CAPN7: variants seen among roughly 807,000 people sequenced by gnomAD.
The protein encoded by CAPN7 is calpain-7.
CAPN7 carries 72 observed loss-of-function variants against 115.2 expected under a neutral mutation model. The observed-to-expected ratio is 0.63, with a 90% CI of 0.52 to 0.76. The LOEUF is 0.76. Ranked by LOEUF, CAPN7 falls within the 30% of genes least tolerant of loss-of-function variation. CAPN7 has a pLI of 0.00. For synonymous variants in CAPN7, 344 were observed against 322.3 expected (o/e 1.07, Z -0.72); for missense variants, 905 against 971.5 (o/e 0.93, Z 0.91).
intron 12 of CAPN7, 47 bp from the exon 13 acceptor site, chr3:15,240,426 A>G (rs1559407431): frequency 6.4e-7 from 1 of 1,560,640 alleles, no homozygotes; most frequent in Non-Finnish European, 8.7e-7. Context: ...AATATGGTAA[A>G]AACTGTTTTA....
At chr3:15,250,263 G>C (rs1399198831) in intron 19 of CAPN7, among the ~76,000 whole-genome samples, 1 of 151,892 alleles carries the variant, frequency 6.6e-6, no homozygotes, top group East Asian at 2.0e-4. Flanking sequence ...CATAGTCCCA[G>C]GTCCTGAGGA....
chr3:15,227,991 A>G lies in CAPN7; in HGVS notation c.852+26A>G, dbSNP rs371586368. 7.2e-6 allele frequency: 10 copies of G among 1,392,630 alleles called. No individual in the cohort carries two copies. In the Admixed American group the frequency reaches 8.4e-5, roughly 12 times the overall value. 86.3% of individuals were successfully genotyped at this position (1,392,630 alleles called of 1,614,324 possible). A position where few individuals can be genotyped will look rare whatever the true frequency, so the allele number is the denominator to read the frequency against. Reference sequence around the variant, plus strand: ...GTGAGCATTTATTTTGTATGATTTTATAGAAAAGTCAGCATTTTAAAGTAA... The same window carrying G: ...GTGAGCATTTATTTTGTATGATTTTGTAGAAAAGTCAGCATTTTAAAGTAA... On this transcript the variant is annotated intron_variant, in intron 7 of 20. Transcript: ENST00000253693.
chr3:15,207,636 T>C (rs1162363729), intron 1 of CAPN7, among the ~76,000 whole-genome samples: 1 of 150,000 alleles, frequency 6.7e-6, no homozygotes, highest in Admixed American at 6.6e-5. Context: ...TAAGTTTTTT[T>C]GTTTCTTTTT....
chr3:15,207,083 A>G (rs1575143022), intron 1 of CAPN7, among the ~76,000 whole-genome samples: 1 of 152,276 alleles, frequency 6.6e-6, no homozygotes, highest in Non-Finnish European at 1.5e-5. Context: ...TTCTTAGGCC[A>G]TTTTGTTGTT....
chr3:15,240,442 T>G lies in CAPN7; in HGVS notation c.1408-31T>G, dbSNP rs938370539. The G allele has an allele frequency of 2.5e-6, 4 of 1,596,660 alleles. No individual in the cohort carries two copies. The African/African-American group carries it at 5.4e-5, about 22-fold the overall frequency. On this transcript the variant is annotated intron_variant, in intron 12 of 20. Coordinates refer to ENST00000253693, the MANE Select transcript of CAPN7 (RefSeq NM_014296.3). ...ATATGGTAAAAACTGTTTTACAACT[T>G]AATGTTATCTCCTGTTTCTTTTTTA... is the stretch of plus-strand genomic sequence containing the variant.
chr3:15,224,298 G>T (rs1364374608), intron 6 of CAPN7, among the ~76,000 whole-genome samples: 1 of 149,816 alleles, frequency 6.7e-6, no homozygotes, highest in African/African-American at 2.5e-5. Flanking sequence ...TTGAGATAGG[G>T]TCTCACTCCC....
intron 19 of CAPN7, among the ~76,000 whole-genome samples, chr3:15,249,101 A>G (rs191531454): frequency 5.5e-4 from 83 of 152,182 alleles, no homozygotes; most frequent in African/African-American, 1.9e-3. Context: ...TTACAAACTA[A>G]TCCAGCAGCA....
rs561281715 is a variant in CAPN7, at chr3:15,235,987, A to G, written c.1407+842A>G. On this transcript the variant is annotated intron_variant, in intron 12 of 20. Transcript: ENST00000253693. ...AGTTCAAAACCAGCCTGGGCAACAT[A>G]GTAAGACCCCACCGCTACAAAAAAT... 4.9e-4 allele frequency among the ~76,000 whole-genome samples: 74 copies of G among 152,246 alleles called. 1 individual carries two copies. The highest frequency in any genetic ancestry group is 1.9e-4 in the Non-Finnish European group (13 of 68,010).
At position 15,210,967 on chromosome 3, in the gene CAPN7, G is replaced by A. The variant is rs906206499; in HGVS notation, c.103-1137G>A. On this transcript the variant is annotated intron_variant, in intron 1 of 20. Coordinates refer to ENST00000253693, the MANE Select transcript of CAPN7 (RefSeq NM_014296.3). ...TCTGTCTTTGCTTTTCTAGGTGGTA[G>A]CATTGGTAACCTTCCTGGAATGGTG... is the stretch of plus-strand genomic sequence containing the variant. 7 of 1,134,148 alleles carry A rather than the reference G, an allele frequency of 6.2e-6. No individual in the cohort carries two copies. The South Asian group carries it at 1.1e-4, about 18-fold the overall frequency. 70.3% of individuals were successfully genotyped at this position (1,134,148 alleles called of 1,614,324 possible). A position where few individuals can be genotyped will look rare whatever the true frequency, so the allele number is the denominator to read the frequency against.
intron 2 of CAPN7, 143 bp downstream of exon 2, chr3:15,212,355 A>G (rs1253020519): frequency 1.9e-6 from 1 of 534,590 alleles, no homozygotes; most frequent in Non-Finnish European, 3.4e-6. Context: ...TTTGGTAATC[A>G]CCTCTTTAAA....
intron 12 of CAPN7, 141 bp downstream of exon 12, chr3:15,235,286 A>C (rs1295475838): frequency 1.5e-6 from 1 of 680,318 alleles, no homozygotes; most frequent in East Asian, 2.8e-5. Flanking sequence ...CATTAACTTG[A>C]TCTCTACCGT....
intron 1 of CAPN7, among the ~76,000 whole-genome samples, chr3:15,210,323 A>G (rs1559382691): frequency 1.3e-5 from 2 of 152,182 alleles, no homozygotes; most frequent in Non-Finnish European, 2.9e-5. Context: ...ATCACATACA[A>G]GATAACTGAA....
chr3:15,229,553 C>CTTTTTTATTTTTT (rs1559398769), intron 8 of CAPN7, among the ~76,000 whole-genome samples: 1 of 88,306 alleles, frequency 1.1e-5, no homozygotes, highest in African/African-American at 3.8e-5. Context: ...ATTGGTTTTA[C>CTTTTTTATTTTTT]TTTTTTTCTT....
At position 15,230,554 on chromosome 3, in the gene CAPN7, C is replaced by T; in HGVS notation, c.1032+19C>T. The T allele has an allele frequency of 7.2e-7, 1 of 1,398,354 alleles. No individual in the cohort carries two copies. The highest frequency in any genetic ancestry group is 1.2e-5 in the South Asian group (1 of 85,470). The allele number at this position is 1,398,354 out of a possible 1,614,324, so 86.6% of individuals were successfully genotyped here. Reference sequence around the variant, plus strand: ...AAGAAAGGTGAATAATGTCTCTCCCCACTCCCATCCCTTGTCTCTCTCCGT... The same window carrying T: ...AAGAAAGGTGAATAATGTCTCTCCCTACTCCCATCCCTTGTCTCTCTCCGT... On this transcript the variant is annotated intron_variant, in intron 9 of 20. Transcript: ENST00000253693.
intron 6 of CAPN7, among the ~76,000 whole-genome samples, chr3:15,224,327 C>T (rs1694179668): frequency 6.7e-6 from 1 of 150,062 alleles, no homozygotes; most frequent in African/African-American, 2.5e-5. Context: ...GGCTGGAGTG[C>T]AATGATGTGA....
intron 2 of CAPN7, among the ~76,000 whole-genome samples, chr3:15,217,041 C>G (rs1047111289): frequency 2.4e-4 from 36 of 149,140 alleles, no homozygotes; most frequent in African/African-American, 8.4e-4. Flanking sequence ...AGTTCAAGAC[C>G]AGCCTGGGCA....
rs747374436 is a variant in CAPN7, at chr3:15,247,448, G to A, written c.2195G>A (p.Arg732Gln). The A allele has an allele frequency of 2.5e-6, 4 of 1,595,966 alleles. No individual in the cohort carries two copies. Among genetic ancestry groups the A allele is most frequent in the East Asian group, 2.2e-5 (1 of 44,648 alleles). Residue 732 changes from arginine to glutamine, a missense_variant, in exon 19 of 21, where the codon CGA becomes CAA. By Grantham distance (43) the Arg-to-Gln change is conservative. Transcript: ENST00000253693. The part of the protein sequence containing the change: ...EKTGPLLIEL[R>Q]GPRQYSVGFE... ...ACTGGGCCGTTACTGATTGAGCTAC[G>A]AGGACCAAGGTTTGTGATGAGTAAC...
chr3:15,230,402 A>T, intron 8 of CAPN7, 40 bp from the exon 9 acceptor site: 1 of 1,307,710 alleles, frequency 7.6e-7, no homozygotes, highest in Non-Finnish European at 1.1e-6. Context: ...GATATTGAAT[A>T]CTAATGTTGG....
At chr3:15,231,675 A>T (rs1357826530) in intron 9 of CAPN7, among the ~76,000 whole-genome samples, 1 of 151,936 alleles carries the variant, frequency 6.6e-6, no homozygotes, top group South Asian at 2.1e-4. Flanking sequence ...GATTACAGGC[A>T]CCCACCACCA....
Sources: allele counts gnomAD v4.1 joint callset (sites outside exome capture counted in the v4.1 genomes callset), GRCh38; gene constraint gnomAD v4.1.1; transcripts MANE v1.5; gene names NCBI Gene and HGNC (gene_info 2026-07-23, HGNC 2026-07-21).